FGGY: variants seen among roughly 807,000 people sequenced by gnomAD.
The protein encoded by FGGY is FGGY carbohydrate kinase domain-containing protein.
FGGY carries 72 observed loss-of-function variants against 71.3 expected under a neutral mutation model. The ratio of observed to expected loss-of-function variants is 1.01; its 90% CI spans 0.84 to 1.23. The LOEUF (loss-of-function observed/expected upper bound fraction) is 1.23, where lower values mean the gene tolerates loss of function less well. Ranked by LOEUF, FGGY falls within the 50% of genes most tolerant of loss-of-function variation. The probability of loss-of-function intolerance (pLI) is 0.00; values close to 1 mark genes in which losing one functional copy is unlikely to be tolerated. For synonymous variants in FGGY, 251 were observed against 250.3 expected (o/e 1.00, Z -0.02); for missense variants, 668 against 682.3 (o/e 0.98, Z 0.23).
chr1:59,456,857 A>T, intron 5 of FGGY, 104 bp from the exon 6 acceptor site: 1 of 693,048 alleles, frequency 1.4e-6, no homozygotes, highest in Non-Finnish European at 2.5e-6. Context: ...GGCTTATTCC[A>T]CTTCTTTAAT....
chr1:59,398,880 G>A (rs2061619277), intron 5 of FGGY, among the ~76,000 whole-genome samples: 1 of 152,164 alleles, frequency 6.6e-6, no homozygotes, highest in African/African-American at 2.4e-5. Context: ...ACTCAAAACA[G>A]TGTCCTTTTC....
intron 7 of FGGY, among the ~76,000 whole-genome samples, chr1:59,552,671 T>C (rs981161286): frequency 2.5e-4 from 38 of 152,192 alleles, no homozygotes; most frequent in Non-Finnish European, 4.4e-5. Context: ...CTGAACTTCC[T>C]TGGGCCCCTA....
intron 1 of FGGY, among the ~76,000 whole-genome samples, chr1:59,314,744 T>A (rs575425727): frequency 1.1e-3 from 165 of 152,222 alleles, no homozygotes; most frequent in Non-Finnish European, 1.9e-3. Flanking sequence ...CAGCTCCTTA[T>A]TGAGTACCTA....
At chr1:59,645,230 G>T (rs765717080) in intron 11 of FGGY, among the ~76,000 whole-genome samples, 3 of 152,166 alleles carry the variant, frequency 2.0e-5, no homozygotes, top group Non-Finnish European at 4.4e-5. Context: ...AGTGGCCCAG[G>T]CTTCTTTGCA....
intron 7 of FGGY, among the ~76,000 whole-genome samples, chr1:59,536,225 C>A (rs1357026584): frequency 6.6e-6 from 1 of 152,026 alleles, no homozygotes; most frequent in Non-Finnish European, 1.5e-5. Context: ...ACTAGAAAAT[C>A]TAGAAGAAAT....
chr1:59,504,022 C>A (rs930024032), intron 6 of FGGY, among the ~76,000 whole-genome samples: 2 of 152,080 alleles, frequency 1.3e-5, no homozygotes, highest in Non-Finnish European at 2.9e-5. Context: ...GCAGATAGTC[C>A]TTGCTGGATT....
At chr1:59,476,105 A>G (rs1261800221) in intron 6 of FGGY, among the ~76,000 whole-genome samples, 5 of 152,196 alleles carry the variant, frequency 3.3e-5, no homozygotes, top group African/African-American at 1.2e-4. Context: ...TCTGTCTGGC[A>G]TGGCCCTTCT....
intron 5 of FGGY, among the ~76,000 whole-genome samples, chr1:59,420,576 G>T (rs987223141): frequency 6.6e-6 from 1 of 152,136 alleles, no homozygotes; most frequent in Non-Finnish European, 1.5e-5. Context: ...AAACGGTAGA[G>T]ACTGACTCCA....
At chr1:59,580,093 C>A (rs1369402153) in intron 8 of FGGY, among the ~76,000 whole-genome samples, 3 of 152,186 alleles carry the variant, frequency 2.0e-5, no homozygotes, top group Admixed American at 2.0e-4. Context: ...GTAACCTCAT[C>A]ATTAAGGTCT....
At chr1:59,630,972 T>A (rs1347277252) in intron 10 of FGGY, among the ~76,000 whole-genome samples, 1 of 152,212 alleles carries the variant, frequency 6.6e-6, no homozygotes, top group African/African-American at 2.4e-5. Flanking sequence ...CCCACTGCAG[T>A]TTGAATTCTG....
chr1:59,537,884 C>T (rs1288493123), intron 7 of FGGY, among the ~76,000 whole-genome samples: 1 of 152,120 alleles, frequency 6.6e-6, no homozygotes, highest in Non-Finnish European at 1.5e-5. Flanking sequence ...GACCTAAAAC[C>T]ATAAAAATCC....
chr1:59,539,464 A>T (rs975752663), intron 7 of FGGY, among the ~76,000 whole-genome samples: 1 of 152,214 alleles, frequency 6.6e-6, no homozygotes, highest in African/African-American at 2.4e-5. Flanking sequence ...ATGTATGGAC[A>T]GTTAATTTGT....
At chr1:59,586,205 G>A (rs1294083547) in intron 8 of FGGY, among the ~76,000 whole-genome samples, 2 of 152,156 alleles carry the variant, frequency 1.3e-5, no homozygotes, top group African/African-American at 2.4e-5. Flanking sequence ...AAAGACACAT[G>A]CACACATATG....
At chr1:59,698,185 A>G (rs1251801912) in intron 14 of FGGY, among the ~76,000 whole-genome samples, 1 of 152,158 alleles carries the variant, frequency 6.6e-6, no homozygotes, top group Non-Finnish European at 1.5e-5. Context: ...TTCCAGCCCA[A>G]AGATTATTAG....
In FGGY at chr1:59,545,969, A is replaced by G. The variant is rs141289425; in HGVS notation, c.800-8155A>G. ...CCTTTGGGCCCGCAATTATTTTGTC[A>G]TCAGTTGTATAGTCAAGGACAGAAA... On this transcript the variant is annotated intron_variant, in intron 7 of 15. Coordinates refer to ENST00000303721, the MANE Select transcript of FGGY (RefSeq NM_018291.5). 3.1e-3 allele frequency among the ~76,000 whole-genome samples: 477 copies of G among 152,332 alleles called. 2 individuals carry two copies. The highest frequency in any genetic ancestry group is 0.011 in the African/African-American group (452 of 41,592).
intron 14 of FGGY, among the ~76,000 whole-genome samples, chr1:59,732,667 A>T (rs968016381): frequency 6.6e-6 from 1 of 152,124 alleles, no homozygotes; most frequent in Non-Finnish European, 1.5e-5. Context: ...GGGGCAAGAA[A>T]GGGGAAGGGA....
intron 6 of FGGY, among the ~76,000 whole-genome samples, chr1:59,483,977 A>G (rs1307445075): frequency 1.3e-5 from 2 of 152,186 alleles, no homozygotes; most frequent in African/African-American, 2.4e-5. Context: ...GATAATGGTT[A>G]TCATTTGTTG....
chr1:59,524,179 A>G (rs139988147), intron 7 of FGGY, among the ~76,000 whole-genome samples: 5 of 152,334 alleles, frequency 3.3e-5, no homozygotes, highest in African/African-American at 9.6e-5. Flanking sequence ...TGCTGTCACA[A>G]TCCAGCCAGG....
intron 14 of FGGY, among the ~76,000 whole-genome samples, chr1:59,718,885 C>T (rs2152938): frequency 0.47 from 70,975 of 152,094 alleles, 17,184 homozygotes; most frequent in East Asian, 0.66. Context: ...CTCATGGCCA[C>T]TCCCAGTGCC....
Sources: allele counts gnomAD v4.1 joint callset (sites outside exome capture counted in the v4.1 genomes callset), GRCh38; gene constraint gnomAD v4.1.1; transcripts MANE v1.5; gene names NCBI Gene and HGNC (gene_info 2026-07-23, HGNC 2026-07-21).